Variants in CD274 observed in about 807,000 individuals in gnomAD.
CD274 encodes the protein CD274 molecule.
Under a neutral mutation model 30.1 loss-of-function variants are expected in CD274, and 8 were observed. That is an observed-to-expected ratio of 0.27 (90% CI 0.16 to 0.48). CD274 has a LOEUF of 0.48. Ranked by LOEUF, CD274 falls within the 20% of genes least tolerant of loss-of-function variation. The probability of loss-of-function intolerance (pLI) is 0.99; values close to 1 mark genes in which losing one functional copy is unlikely to be tolerated. For missense variants in CD274, 353 were observed against 346.6 expected (o/e 1.02, Z -0.15); for synonymous variants, 152 against 124.6 (o/e 1.22, Z -1.46).
chr9:5,465,360 A>G, intron 4 of CD274, 139 bp from the exon 5 acceptor site: 1 of 591,598 alleles, frequency 1.7e-6, no homozygotes. Context: ...GTATCTCGCC[A>G]TTCCAGCCAC....
intron 6 of CD274, 121 bp from the exon 7 acceptor site, chr9:5,467,719 C>G: frequency 1.2e-6 from 1 of 867,156 alleles, no homozygotes; most frequent in East Asian, 2.5e-5. Flanking sequence ...GCTGCTTTCT[C>G]TCATTTCAAA....
chr9:5,455,433 T>G (rs1430298727), intron 1 of CD274, among the ~76,000 whole-genome samples: 1 of 152,086 alleles, frequency 6.6e-6, no homozygotes, highest in African/African-American at 2.4e-5. Context: ...TCTGGAAGAG[T>G]GGCTGTGAGT....
chr9:5,460,231 C>T (rs1400569005), intron 3 of CD274, among the ~76,000 whole-genome samples: 1 of 152,096 alleles, frequency 6.6e-6, no homozygotes, highest in Non-Finnish European at 1.5e-5. Flanking sequence ...CCAGACTGTT[C>T]ATCAGGAACT....
intron 4 of CD274, among the ~76,000 whole-genome samples, chr9:5,464,326 T>A (rs182811733): frequency 6.6e-6 from 1 of 152,142 alleles, no homozygotes; most frequent in African/African-American, 2.4e-5. Context: ...GATTTTTTTT[T>A]AAATACCTGG....
At position 5,457,115 on chromosome 9, in the gene CD274, T is replaced by C. The variant is rs1344190674; in HGVS notation, c.89T>C (p.Val30Ala). 2 of 1,613,748 alleles carry C rather than the reference T, an allele frequency of 1.2e-6. No homozygotes were observed. Among genetic ancestry groups the C allele is most frequent in the Admixed American group, 3.3e-5 (2 of 60,010 alleles). ...TVTVPKDLYV[V>A]EYGSNMTIEC... ...ACGGTTCCCAAGGACCTATATGTGGTAGAGTATGGTAGCAATATGACAATT... is the reference window on the plus strand; with the variant it reads ...ACGGTTCCCAAGGACCTATATGTGGCAGAGTATGGTAGCAATATGACAATT... The change falls in exon 3 of 7, where the codon GTA becomes GCA. Residue 30 changes from valine (V) to alanine (A), a missense_variant. Transcript: ENST00000381577.
intron 4 of CD274, among the ~76,000 whole-genome samples, chr9:5,463,589 G>A (rs1014552219): frequency 6.6e-6 from 1 of 152,090 alleles, no homozygotes; most frequent in Non-Finnish European, 1.5e-5. Flanking sequence ...GAAATAAATG[G>A]AACATATTTT....
At chr9:5,457,465 T>C (rs756516772) in intron 3 of CD274, 45 bp downstream of exon 3, 5 of 1,493,018 alleles carry the variant, frequency 3.3e-6, no homozygotes, top group Non-Finnish European at 4.6e-6. Flanking sequence ...ATTGAAAACA[T>C]ATTCCAAGTG....
At chr9:5,455,631 G>T (rs551738642) in intron 1 of CD274, among the ~76,000 whole-genome samples, 1 of 152,204 alleles carries the variant, frequency 6.6e-6, no homozygotes, top group East Asian at 1.9e-4. Flanking sequence ...TGAAGTGGAA[G>T]CCTTGAATAG....
At chr9:5,453,399 G>A (rs1486505871) in intron 1 of CD274, among the ~76,000 whole-genome samples, 1 of 152,164 alleles carries the variant, frequency 6.6e-6, no homozygotes, top group Admixed American at 6.5e-5. Flanking sequence ...CATGTGTTGA[G>A]AACCAGAAAA....
At chr9:5,458,595 T>A (rs898347111) in intron 3 of CD274, among the ~76,000 whole-genome samples, 3 of 152,230 alleles carry the variant, frequency 2.0e-5, no homozygotes, top group African/African-American at 7.2e-5. Flanking sequence ...CACTGATCAC[T>A]GATCAATTAT....
intron 3 of CD274, 125 bp downstream of exon 3, chr9:5,457,545 C>A: frequency 1.4e-6 from 1 of 719,812 alleles, no homozygotes; most frequent in Non-Finnish European, 2.2e-6. Flanking sequence ...TTCATTCATT[C>A]ATTCAATTCA....
intron 1 of CD274, among the ~76,000 whole-genome samples, chr9:5,453,953 C>T (rs1419630623): frequency 6.6e-6 from 1 of 152,124 alleles, no homozygotes; most frequent in African/African-American, 2.4e-5. Flanking sequence ...CCAGATGCTC[C>T]CTGGGTGAGA....
intron 1 of CD274, among the ~76,000 whole-genome samples, chr9:5,453,260 A>T (rs822340): frequency 2.0e-5 from 3 of 152,040 alleles, no homozygotes; most frequent in African/African-American, 7.2e-5. Context: ...AACATGAAGG[A>T]CTCATACAGG....
intron 4 of CD274, among the ~76,000 whole-genome samples, chr9:5,464,607 G>A (rs540617364): frequency 8.5e-5 from 13 of 152,280 alleles, no homozygotes; most frequent in African/African-American, 3.1e-4. Context: ...CCTAGTAAGA[G>A]ATACTAATGG....
At chr9:5,458,705 G>C (rs957530459) in intron 3 of CD274, among the ~76,000 whole-genome samples, 1 of 152,296 alleles carries the variant, frequency 6.6e-6, no homozygotes, top group Admixed American at 6.5e-5. Flanking sequence ...CCCTGATACT[G>C]GCTCAGGTAA....
Position 5,465,703 on chromosome 9 carries a change from G to A in CD274, c.790+97G>A, listed in dbSNP as rs1182379970. Reference sequence around the variant, plus strand: ...GGAAACCCGACTTAACCTCTGCAAGGTGGTGCAAAGGCATTCCACTGTTCA... The same window carrying A: ...GGAAACCCGACTTAACCTCTGCAAGATGGTGCAAAGGCATTCCACTGTTCA... On this transcript the variant is annotated intron_variant, in intron 5 of 6. Transcript: ENST00000381577. 9.7e-6 allele frequency: 7 copies of A among 718,206 alleles called. No homozygotes were observed. In the East Asian group the frequency reaches 1.8e-4, roughly 19 times the overall value. The allele number at this position is 718,206 out of a possible 1,614,324, so 44.5% of individuals were successfully genotyped here. A position where few individuals can be genotyped will look rare whatever the true frequency, so the allele number is the denominator to read the frequency against.
Position 5,466,202 on chromosome 9 carries a change from G to T in CD274, c.791-568G>T, listed in dbSNP as rs116429835. Among the ~76,000 whole-genome samples, 663 of 152,320 alleles carry T rather than the reference G, an allele frequency of 4.4e-3. 5 individuals are homozygous for T. The highest frequency in any genetic ancestry group is 0.015 in the African/African-American group (638 of 41,558). On this transcript the variant is annotated intron_variant, in intron 5 of 6. Transcript: ENST00000381577. ...AGAGATCCAGTGATGGTATAGAGTT[G>T]TCTGATGTTAAATAGGGAAGTAGAA...
rs1301497878 is a variant in CD274 at position 5,469,679 on chromosome 9, A to G, written c.*1817A>G. 1.3e-5 allele frequency: 3 copies of G among 232,226 alleles called. No individual in the cohort carries two copies. 14.4% of individuals were successfully genotyped at this position (232,226 alleles called of 1,614,324 possible). ...CATTATCTTTCATATGATCCAGTATATGTTAAATATGTCCTACATATACAT... is the reference window on the plus strand; with the variant it reads ...CATTATCTTTCATATGATCCAGTATGTGTTAAATATGTCCTACATATACAT... On this transcript the variant is annotated 3_prime_UTR_variant, in exon 7 of 7. Transcript: ENST00000381577.
intron 3 of CD274, among the ~76,000 whole-genome samples, chr9:5,460,514 G>A (rs1360446855): frequency 6.6e-6 from 1 of 152,084 alleles, no homozygotes; most frequent in Non-Finnish European, 1.5e-5. Flanking sequence ...TTGATTCCAT[G>A]ATAAGTGGTA....
Sources: gnomAD v4.1 joint callset for allele counts (sites outside exome capture counted in the v4.1 genomes callset) on GRCh38, gnomAD v4.1.1 for gene constraint, MANE v1.5 for transcripts, NCBI Gene and HGNC (gene_info 2026-07-23, HGNC 2026-07-21) for gene names.